DAB1: variants seen among roughly 807,000 people sequenced by gnomAD.
The protein encoded by DAB1 is disabled homolog 1.
In DAB1, 15 loss-of-function variants were observed where a neutral mutation model predicts 64.6. The ratio of observed to expected loss-of-function variants is 0.23; its 90% CI spans 0.16 to 0.36. The LOEUF (loss-of-function observed/expected upper bound fraction) is 0.36, where lower values mean the gene tolerates loss of function less well. Among genes scored for constraint, DAB1 ranks in the 10% least tolerant of loss-of-function variants. The pLI is 1.00. For synonymous variants in DAB1, 235 were observed against 251.9 expected (o/e 0.93, Z 0.64); for missense variants, 596 against 706.7 (o/e 0.84, Z 1.78).
chr1:57,907,152 T>C (rs548858893), intron 5 of DAB1, among the ~76,000 whole-genome samples: 2 of 152,316 alleles, frequency 1.3e-5, no homozygotes, highest in African/African-American at 4.8e-5. Context: ...GTGTCCAAAT[T>C]ATTGAGGACT....
intron 2 of DAB1, among the ~76,000 whole-genome samples, chr1:57,155,470 GTTTTGT>G (rs988289913): frequency 3.1e-4 from 47 of 151,550 alleles, no homozygotes; most frequent in African/African-American, 1.0e-3. Context: ...GATTCTTCCA[GTTTTGT>G]TTTTGTTTTT....
chr1:57,082,691 C>G (rs1312069095), intron 4 of DAB1, among the ~76,000 whole-genome samples: 1 of 152,070 alleles, frequency 6.6e-6, no homozygotes. Flanking sequence ...CCCTGATCCC[C>G]CAACAGGCCC....
intron 2 of DAB1, among the ~76,000 whole-genome samples, chr1:57,278,586 T>C (rs764514698): frequency 3.0e-4 from 46 of 152,152 alleles, no homozygotes; most frequent in South Asian, 4.1e-4. Context: ...AGGAGAGGGA[T>C]TCTGAGGAGG....
intron 5 of DAB1, among the ~76,000 whole-genome samples, chr1:57,950,942 C>T (rs747877477): frequency 6.6e-6 from 1 of 152,090 alleles, no homozygotes; most frequent in Non-Finnish European, 1.5e-5. Flanking sequence ...GAAACAGGCA[C>T]CTTGTGGTAC....
At chr1:57,486,374 A>G (rs1473565368) in intron 7 of DAB1, among the ~76,000 whole-genome samples, 1 of 152,118 alleles carries the variant, frequency 6.6e-6, no homozygotes, top group African/African-American at 2.4e-5. Flanking sequence ...TTTAATTTCT[A>G]TTACCTTCAG....
At chr1:57,097,930 G>T (rs549412476) in intron 4 of DAB1, among the ~76,000 whole-genome samples, 1 of 151,844 alleles carries the variant, frequency 6.6e-6, no homozygotes, top group Non-Finnish European at 1.5e-5. Context: ...GGTGTCCACC[G>T]CCACGCTTGG....
chr1:58,408,378 T>C (rs934570089), intron 3 of DAB1, among the ~76,000 whole-genome samples: 3 of 152,244 alleles, frequency 2.0e-5, no homozygotes, highest in Non-Finnish European at 4.4e-5. Flanking sequence ...CCCAAGTTAA[T>C]AACACATTCC....
chr1:58,076,709 G>T (rs565162119), intron 5 of DAB1, among the ~76,000 whole-genome samples: 106 of 152,344 alleles, frequency 7.0e-4, no homozygotes, highest in Non-Finnish European at 1.4e-3. Flanking sequence ...TTGTACTCAT[G>T]TCAAGAATCA....
At chr1:57,921,414 C>T (rs1330517991) in intron 5 of DAB1, among the ~76,000 whole-genome samples, 1 of 152,018 alleles carries the variant, frequency 6.6e-6, no homozygotes, top group Non-Finnish European at 1.5e-5. Context: ...TTTATAGCCA[C>T]AGAAATATAA....
chr1:57,244,603 A>C (rs972370458), intron 2 of DAB1, among the ~76,000 whole-genome samples: 1 of 152,208 alleles, frequency 6.6e-6, no homozygotes, highest in Non-Finnish European at 1.5e-5. Flanking sequence ...CTCTTGACCA[A>C]TGTAAACAAA....
At chr1:58,073,597 A>G (rs1484672193) in intron 5 of DAB1, among the ~76,000 whole-genome samples, 1 of 152,198 alleles carries the variant, frequency 6.6e-6, no homozygotes, top group Non-Finnish European at 1.5e-5. Context: ...GACAGATTAA[A>G]TGTTGACCAT....
intron 6 of DAB1, among the ~76,000 whole-genome samples, chr1:57,731,507 AATT>A (rs1166454173): frequency 6.6e-6 from 1 of 152,094 alleles, no homozygotes; most frequent in African/African-American, 2.4e-5. Flanking sequence ...GAAAAAAAAG[AATT>A]AATAATTAGG....
intron 6 of DAB1, among the ~76,000 whole-genome samples, chr1:57,680,034 C>T (rs1646617927): frequency 6.6e-6 from 1 of 152,184 alleles, no homozygotes. Flanking sequence ...AAGGTCCATA[C>T]TATGTTATGA....
intron 7 of DAB1, among the ~76,000 whole-genome samples, chr1:57,629,804 G>A (rs991209259): frequency 4.7e-5 from 7 of 149,374 alleles, no homozygotes; most frequent in African/African-American, 1.7e-4. Context: ...TAGACCCACG[G>A]AGCAAAGAGA....
chr1:57,740,046 C>CAA (rs34382329), intron 6 of DAB1, among the ~76,000 whole-genome samples: 15,082 of 102,956 alleles, frequency 0.15, 1,751 homozygotes, highest in African/African-American at 0.31. Context: ...ACTACTACTA[C>CAA]AAAAAAAAAA....
At chr1:58,370,491 G>A (rs371243178) in intron 3 of DAB1, among the ~76,000 whole-genome samples, 1 of 151,942 alleles carries the variant, frequency 6.6e-6, no homozygotes, top group East Asian at 1.9e-4. Flanking sequence ...CTCTGAAGAG[G>A]AGTGAAAGAG....
At chr1:57,781,713 G>GAAAAAAAA (rs3081035) in intron 6 of DAB1, among the ~76,000 whole-genome samples, 3 of 135,658 alleles carry the variant, frequency 2.2e-5, no homozygotes, top group Non-Finnish European at 3.2e-5. Flanking sequence ...AAGCAATTGA[G>GAAAAAAAA]AAAAAAAAAA....
At chr1:57,946,218 A>T (rs760633633) in intron 5 of DAB1, among the ~76,000 whole-genome samples, 69 of 152,226 alleles carry the variant, frequency 4.5e-4, no homozygotes, top group African/African-American at 1.3e-3. Flanking sequence ...AGATGCCTTT[A>T]TCAGAACAGA....
At chr1:58,363,836 C>T (rs148116032) in intron 3 of DAB1, among the ~76,000 whole-genome samples, 399 of 151,450 alleles carry the variant, frequency 2.6e-3, no homozygotes, top group African/African-American at 9.4e-3. Context: ...TCTTCTGTTG[C>T]TGCACTGGGG....
Sources: allele counts gnomAD v4.1 joint callset (sites outside exome capture counted in the v4.1 genomes callset), GRCh38; gene constraint gnomAD v4.1.1; transcripts MANE v1.5; gene names NCBI Gene and HGNC (gene_info 2026-07-23, HGNC 2026-07-21).